The following PRKCE variants were observed in gnomAD, a reference collection of about 807,000 sequenced individuals.
PRKCE encodes the protein protein kinase C epsilon.
A neutral mutation model predicts 85.4 loss-of-function variants in PRKCE; 16 were observed. The observed-to-expected ratio is 0.19, with a 90% confidence interval of 0.13 to 0.28. PRKCE has a LOEUF of 0.28. PRKCE is among the 10% of genes least tolerant of loss of function. The pLI is 1.00. For missense variants in PRKCE, 573 were observed against 975.2 expected (o/e 0.59, Z 5.49); for synonymous variants, 388 against 371.5 (o/e 1.04, Z -0.51).
At chr2:45,768,108 G>A (rs1685050517) in intron 1 of PRKCE, among the ~76,000 whole-genome samples, 1 of 152,170 alleles carries the variant, frequency 6.6e-6, no homozygotes, top group Non-Finnish European at 1.5e-5. Flanking sequence ...CAGAGATCAT[G>A]GAGAAGAAAC....
chr2:45,976,135 T>C lies in PRKCE; in HGVS notation c.413-294T>C, dbSNP rs1346074924. 2.6e-5 allele frequency among the ~76,000 whole-genome samples: 4 copies of C among 152,192 alleles called. No individual in the cohort carries two copies. In the East Asian group the frequency reaches 7.7e-4, roughly 29 times the overall value. The stretch of plus-strand genomic sequence containing the variant: ...ACCCCCAAGCCCTTGAAACCAGCTG[T>C]AGCCTGTGTGGGGAGGAAAGGGCAG... On this transcript the variant is annotated intron_variant, in intron 2 of 14. Coordinates refer to ENST00000306156, the MANE Select transcript of PRKCE (RefSeq NM_005400.3).
chr2:46,143,199 T>G (rs1049387048), intron 11 of PRKCE, among the ~76,000 whole-genome samples: 2 of 152,204 alleles, frequency 1.3e-5, no homozygotes, highest in African/African-American at 4.8e-5. Flanking sequence ...GAATTCACAG[T>G]GCTGAGCGTG....
At chr2:45,978,781 C>G (rs1390216166) in intron 3 of PRKCE, 195 bp from the exon 4 acceptor site, 1 of 569,176 alleles carries the variant, frequency 1.8e-6, no homozygotes, top group Non-Finnish European at 3.1e-6. Context: ...TCCCCAAGCA[C>G]TGGGACTGCC....
rs972177932 is a variant in PRKCE at position 45,697,025 on chromosome 2, G to C, written c.348+44577G>C. 3.9e-5 allele frequency among the ~76,000 whole-genome samples: 6 copies of C among 152,304 alleles called. No individual in the cohort carries two copies. Among genetic ancestry groups the C allele is most frequent in the African/African-American group, 1.4e-4 (6 of 41,562 alleles). On this transcript the variant is annotated intron_variant, in intron 1 of 14. Coordinates refer to ENST00000306156, the MANE Select transcript of PRKCE (RefSeq NM_005400.3). This position sits in a 1 kb window ranked among gnomAD's most constrained non-coding sequence, Gnocchi z 4.2. Reference sequence around the variant, plus strand: ...TTTTGTACTTGCCACCAAGGCCCATGTTTGGTGCAGAGCTGAAAGCAAACC... The same window carrying C: ...TTTTGTACTTGCCACCAAGGCCCATCTTTGGTGCAGAGCTGAAAGCAAACC...
intron 10 of PRKCE, among the ~76,000 whole-genome samples, chr2:46,018,551 C>G (rs1056100815): frequency 6.6e-6 from 1 of 152,172 alleles, no homozygotes; most frequent in Non-Finnish European, 1.5e-5. Context: ...CCTTCAGAAA[C>G]TGTTGGCCTG....
At chr2:45,874,470 C>T (rs1694324360) in intron 2 of PRKCE, among the ~76,000 whole-genome samples, 1 of 152,196 alleles carries the variant, frequency 6.6e-6, no homozygotes, top group Non-Finnish European at 1.5e-5. Context: ...GAAGTCCCTC[C>T]CACATTTTGG....
intron 2 of PRKCE, among the ~76,000 whole-genome samples, chr2:45,900,581 A>G (rs1696500996): frequency 6.6e-6 from 1 of 152,208 alleles, no homozygotes; most frequent in Non-Finnish European, 1.5e-5. Flanking sequence ...ATAGAGGTAG[A>G]AAGTAGGATG....
intron 14 of PRKCE, chr2:46,167,663 C>T (rs1433996231): frequency 1.3e-5 from 2 of 152,192 alleles, no homozygotes; most frequent in South Asian, 2.1e-4. Context: ...GAGGGTGACT[C>T]ACCCCAGGTG....
chr2:46,038,059 G>C (rs1041481627), intron 10 of PRKCE, among the ~76,000 whole-genome samples: 1 of 152,206 alleles, frequency 6.6e-6, no homozygotes, highest in Non-Finnish European at 1.5e-5. Flanking sequence ...AGTCTCCTCT[G>C]TCCTGTCTTG....
At chr2:45,884,887 G>T (rs1695130078) in intron 2 of PRKCE, among the ~76,000 whole-genome samples, 1 of 147,346 alleles carries the variant, frequency 6.8e-6, no homozygotes, top group Non-Finnish European at 1.5e-5. Context: ...CTGCACCTGT[G>T]CATATACACA....
intron 10 of PRKCE, among the ~76,000 whole-genome samples, chr2:46,082,713 C>T (rs1669211743): frequency 1.3e-5 from 2 of 152,204 alleles, no homozygotes; most frequent in South Asian, 4.2e-4. Context: ...CAGAGAAAAC[C>T]CTGCCAGAAA....
intron 1 of PRKCE, among the ~76,000 whole-genome samples, chr2:45,678,692 AT>A (rs11366704): frequency 0.1 from 14,951 of 149,522 alleles, 860 homozygotes; most frequent in East Asian, 0.24. Flanking sequence ...AATTATCTGG[AT>A]TTTTTTTTTT....
intron 1 of PRKCE, among the ~76,000 whole-genome samples, chr2:45,679,465 C>T (rs1481093630): frequency 6.6e-6 from 1 of 152,024 alleles, no homozygotes; most frequent in Non-Finnish European, 1.5e-5. Context: ...TGCAATCTAA[C>T]AGGGAAAATA....
At chr2:45,937,494 C>T (rs1013560946) in intron 2 of PRKCE, among the ~76,000 whole-genome samples, 1 of 152,258 alleles carries the variant, frequency 6.6e-6, no homozygotes, top group East Asian at 1.9e-4. Context: ...GCGCGGATCA[C>T]GAGGTCAGGA....
chr2:45,814,862 C>T (rs1208910158), intron 1 of PRKCE, among the ~76,000 whole-genome samples: 1 of 152,078 alleles, frequency 6.6e-6, no homozygotes, highest in African/African-American at 2.4e-5. Context: ...TCCTGATGAG[C>T]CCTTATTAGG....
At chr2:45,873,096 T>C (rs980572860) in intron 2 of PRKCE, among the ~76,000 whole-genome samples, 2 of 152,192 alleles carry the variant, frequency 1.3e-5, no homozygotes, top group African/African-American at 2.4e-5. Context: ...TATACTTCTT[T>C]AGAGTGTTTT....
At chr2:46,179,506 C>T (rs1302493021) in intron 14 of PRKCE, among the ~76,000 whole-genome samples, 1 of 152,150 alleles carries the variant, frequency 6.6e-6, no homozygotes, top group Non-Finnish European at 1.5e-5. Context: ...TGCCCTTCCC[C>T]CAGAGTCAGT....
At chr2:45,817,649 A>G (rs984666925) in intron 1 of PRKCE, among the ~76,000 whole-genome samples, 16 of 152,226 alleles carry the variant, frequency 1.1e-4, no homozygotes, top group East Asian at 1.9e-4. Context: ...AGCCGAGATC[A>G]CGCCACTGCA....
chr2:45,881,233 C>G (rs1417664636), intron 2 of PRKCE, among the ~76,000 whole-genome samples: 1 of 152,068 alleles, frequency 6.6e-6, no homozygotes, highest in Non-Finnish European at 1.5e-5. Flanking sequence ...CCACCTTCTC[C>G]TGCTCTGTAG....
Sources: gnomAD v4.1 joint callset for allele counts (sites outside exome capture counted in the v4.1 genomes callset) on GRCh38, gnomAD v4.1.1 for gene constraint, Gnocchi (gnomAD v3.1) non-coding constraint, MANE v1.5 for transcripts, NCBI Gene and HGNC (gene_info 2026-07-23, HGNC 2026-07-21) for gene names.